COL25A1: variants seen among roughly 807,000 people sequenced by gnomAD.
The protein encoded by COL25A1 is collagen type XXV alpha 1 chain.
COL25A1 carries 103 observed loss-of-function variants against 128.4 expected under a neutral mutation model. The observed-to-expected ratio is 0.80, with a 90% CI of 0.68 to 0.94. The LOEUF (loss-of-function observed/expected upper bound fraction) is 0.94, where lower values mean the gene tolerates loss of function less well. Among genes scored for constraint, COL25A1 ranks in the 40% least tolerant of loss-of-function variants. The pLI is 0.00. For missense variants in COL25A1, 745 were observed against 840.0 expected (o/e 0.89, Z 1.40); for synonymous variants, 279 against 277.2 (o/e 1.01, Z -0.06).
chr4:109,031,834 T>C (rs1226234188), intron 5 of COL25A1, among the ~76,000 whole-genome samples: 1 of 152,094 alleles, frequency 6.6e-6, no homozygotes, highest in Non-Finnish European at 1.5e-5. Context: ...TCCCACTCAT[T>C]CACTTCTCAA....
chr4:109,265,517 A>ATGTGTG (rs1781724794), intron 3 of COL25A1, among the ~76,000 whole-genome samples: 1 of 102,058 alleles, frequency 9.8e-6, no homozygotes, highest in Non-Finnish European at 2.1e-5. Context: ...TAATAACAGT[A>ATGTGTG]CGTGTGTGTG....
intron 31 of COL25A1, chr4:108,834,256 T>A: frequency 8.1e-7 from 1 of 1,230,996 alleles, no homozygotes; most frequent in South Asian, 1.3e-5. Context: ...AAGTACACCC[T>A]CATCATTTGA....
Position 108,940,580 on chromosome 4 carries a change from C to A in COL25A1, c.631G>T (p.Asp211Tyr). 4 of 1,613,454 alleles carry A rather than the reference C, an allele frequency of 2.5e-6. No individual in the cohort carries two copies. The highest frequency in any genetic ancestry group is 3.4e-6 in the Non-Finnish European group (4 of 1,179,618). ...CCACGGGGGCCATCTTTCCCTGTGT[C>A]CCCAGGTGGCCCTCTTGGGCCTGGA... The part of the protein sequence containing the change: ...GPPGPRGPPG[D>Y]TGKDGPRGMP... Residue 211 changes from aspartate (D) to tyrosine (Y), a missense_variant, in exon 10 of 38, where the codon GAC (aspartate) becomes TAC (tyrosine). Around this residue, in one of 3 missense-constraint regions of COL25A1, gnomAD observed 319 missense variants for 324.9 expected, o/e 0.98. Coordinates refer to ENST00000399132, the MANE Select transcript of COL25A1 (RefSeq NM_198721.4).
At position 108,937,843 on chromosome 4, in the gene COL25A1, C is replaced by A; in HGVS notation, c.673G>T (p.Gly225Cys). ...TGTTCTCCTGGCTTTCCTGGTTCAC[C>A]CTTAAAAAAGAATAGTGATAATTTT... is the stretch of plus-strand genomic sequence containing the variant. The part of the protein sequence containing the change: ...DGPRGMPGVP[G>C]EPGKPGEQGL... The change falls in exon 11 of 38, where the codon GGT (glycine) becomes TGT (cysteine). Residue 225 changes from glycine (G) to cysteine (C), a missense_variant and splice_region_variant. Physicochemically the swap from Gly to Cys is radical, Grantham distance 159. Transcript: ENST00000399132. 5 of 1,603,422 alleles carry A rather than the reference C, an allele frequency of 3.1e-6. No homozygotes were observed. The highest frequency in any genetic ancestry group is 1.1e-5 in the South Asian group (1 of 88,588).
At chr4:108,940,511 A>C (rs1462134880) in intron 10 of COL25A1, 28 bp downstream of exon 10, 9 of 1,576,914 alleles carry the variant, frequency 5.7e-6, no homozygotes, top group African/African-American at 2.7e-5. Flanking sequence ...AAAACGTGTG[A>C]GAATAAGTGA....
chr4:109,140,945 C>T (rs1464289513), intron 3 of COL25A1, among the ~76,000 whole-genome samples: 2 of 152,176 alleles, frequency 1.3e-5, no homozygotes, highest in Non-Finnish European at 2.9e-5. Context: ...TGCCTGAGTA[C>T]CCTGGCCAGT....
Position 109,280,665 on chromosome 4 carries a change from T to G in COL25A1, c.367+19918A>C, listed in dbSNP as rs143728830. Among the ~76,000 whole-genome samples the G allele has an allele frequency of 4.3e-3, 655 of 152,176 alleles. 8 individuals are homozygous for G. Among genetic ancestry groups the G allele is most frequent in the African/African-American group, 0.013 (537 of 41,514 alleles). On this transcript the variant is annotated intron_variant, in intron 3 of 37. Coordinates refer to ENST00000399132, the MANE Select transcript of COL25A1 (RefSeq NM_198721.4). ...TGAAATACTTGTTTTGTTTTGTTTT[T>G]TTTTTGAGACAGAGTCTTGCTCTGT... is the stretch of plus-strand genomic sequence containing the variant.
intron 10 of COL25A1, among the ~76,000 whole-genome samples, chr4:108,939,370 T>G (rs547850290): frequency 6.6e-6 from 1 of 152,220 alleles, no homozygotes; most frequent in Non-Finnish European, 1.5e-5. Context: ...AAATCATATG[T>G]TGAAAGACAA....
At chr4:109,147,229 A>T (rs1771027059) in intron 3 of COL25A1, among the ~76,000 whole-genome samples, 1 of 152,174 alleles carries the variant, frequency 6.6e-6, no homozygotes, top group South Asian at 2.1e-4. Flanking sequence ...TTGCAAACAC[A>T]TTTACAGATT....
intron 5 of COL25A1, among the ~76,000 whole-genome samples, chr4:109,019,363 C>CAT: frequency 3.8e-5 from 1 of 26,556 alleles, no homozygotes; most frequent in African/African-American, 1.6e-4. Flanking sequence ...CACACACACA[C>CAT]ACACACACAC....
chr4:109,193,917 T>C (rs1349493967), intron 3 of COL25A1, among the ~76,000 whole-genome samples: 1 of 152,192 alleles, frequency 6.6e-6, no homozygotes, highest in Non-Finnish European at 1.5e-5. Context: ...CTTTATGATA[T>C]CTAGAGGAAT....
intron 16 of COL25A1, among the ~76,000 whole-genome samples, chr4:108,892,279 T>C (rs1282832553): frequency 1.3e-5 from 2 of 152,204 alleles, no homozygotes; most frequent in Non-Finnish European, 2.9e-5. Context: ...GGAAATACTA[T>C]GAGAAGATAC....
At chr4:108,889,437 T>G (rs199669668) in intron 17 of COL25A1, among the ~76,000 whole-genome samples, 181 bp from the exon 18 acceptor site, 7,202 of 111,532 alleles carry the variant, frequency 0.065, 272 homozygotes, top group East Asian at 0.25. Context: ...TTTTTTTTTT[T>G]GCTGTAAATA....
chr4:108,997,888 A>C (rs1754930973), intron 6 of COL25A1, among the ~76,000 whole-genome samples: 1 of 152,192 alleles, frequency 6.6e-6, no homozygotes, highest in Non-Finnish European at 1.5e-5. Flanking sequence ...TGATTATCTC[A>C]ATTGATGCAG....
intron 3 of COL25A1, among the ~76,000 whole-genome samples, chr4:109,098,182 G>GCTACT (rs1195019223): frequency 8.5e-5 from 13 of 152,180 alleles, no homozygotes; most frequent in African/African-American, 3.1e-4. Context: ...TTTAGAGTAT[G>GCTACT]CTACTTTTCT....
chr4:109,024,367 T>C (rs1047914846), intron 5 of COL25A1, among the ~76,000 whole-genome samples: 3 of 152,036 alleles, frequency 2.0e-5, no homozygotes, highest in East Asian at 1.9e-4. Flanking sequence ...TATATATTTA[T>C]ATATTATGCT....
chr4:109,128,089 G>C (rs1405740472), intron 3 of COL25A1, among the ~76,000 whole-genome samples: 1 of 152,136 alleles, frequency 6.6e-6, no homozygotes, highest in Non-Finnish European at 1.5e-5. Flanking sequence ...TAAGCAGCTT[G>C]ATAAGCAAGA....
At chr4:108,914,495 C>T (rs892179973) in intron 13 of COL25A1, among the ~76,000 whole-genome samples, 2 of 152,062 alleles carry the variant, frequency 1.3e-5, no homozygotes, top group African/African-American at 4.8e-5. Flanking sequence ...TCTTTAAGAG[C>T]TGGGGACCTT....
intron 3 of COL25A1, among the ~76,000 whole-genome samples, chr4:109,110,052 T>C (rs572947373): frequency 6.6e-6 from 1 of 152,346 alleles, no homozygotes; most frequent in South Asian, 2.1e-4. Context: ...TTTTCATGCC[T>C]CTATATTCAG....
Sources: gnomAD v4.1 joint callset for allele counts (sites outside exome capture counted in the v4.1 genomes callset) on GRCh38, gnomAD v4.1.1 for gene constraint, gnomAD v4.1.1 regional missense constraint, MANE v1.5 for transcripts, NCBI Gene and HGNC (gene_info 2026-07-23, HGNC 2026-07-21) for gene names.